Variants in YES1 observed in about 807,000 individuals in gnomAD.
YES1 encodes the protein tyrosine-protein kinase Yes.
Under a neutral mutation model 70.4 loss-of-function variants are expected in YES1, and 39 were observed. The ratio of observed to expected loss-of-function variants is 0.55; its 90% CI spans 0.43 to 0.72. YES1 has a LOEUF of 0.72. YES1 is among the 30% of genes least tolerant of loss of function. The pLI is 0.00. For missense variants in YES1, 495 were observed against 644.8 expected (o/e 0.77, Z 2.52); for synonymous variants, 198 against 218.6 (o/e 0.91, Z 0.83).
At chr18:765,474 G>C (rs1904859924) in intron 1 of YES1, among the ~76,000 whole-genome samples, 4 of 146,526 alleles carry the variant, frequency 2.7e-5, no homozygotes, top group Admixed American at 6.9e-5. Context: ...TCTTGGCTCA[G>C]TGCAACCTCC....
Position 736,899 on chromosome 18 carries a change from A to G in YES1, c.1200T>C (p.Ala400=), listed in dbSNP as rs201413906. The G allele has an allele frequency of 1.4e-4, 219 of 1,612,726 alleles. 1 individual carries two copies. Among genetic ancestry groups the G allele is most frequent in the Non-Finnish European group, 3.6e-5 (43 of 1,180,008 alleles). Residue 400 remains alanine, a synonymous_variant, in exon 10 of 12, where the codon GCT becomes GCC. Transcript: ENST00000314574. ...MNYIHRDLRA[A]NILVGENLVC... is the part of the protein sequence containing the mutation. ...CAAGATTTTCTCCTACAAGAATATT[A>G]GCAGCCCGAAGATCTCGGTGAATAT...
At chr18:735,532 G>A (rs2080142521) in intron 10 of YES1, among the ~76,000 whole-genome samples, 1 of 152,008 alleles carries the variant, frequency 6.6e-6, no homozygotes, top group African/African-American at 2.4e-5. Context: ...ACATGTTGGA[G>A]GTGAAACCCC....
intron 1 of YES1, among the ~76,000 whole-genome samples, chr18:765,465 C>CTTGG (rs1337236724): frequency 7.1e-6 from 1 of 140,950 alleles, no homozygotes; most frequent in Non-Finnish European, 1.5e-5. Context: ...GTGGCGTGAT[C>CTTGG]TTGGCTCAGT....
chr18:750,290 C>CTGAA (rs2080328271), intron 3 of YES1, among the ~76,000 whole-genome samples: 1 of 152,216 alleles, frequency 6.6e-6, no homozygotes, highest in Non-Finnish European at 1.5e-5. Context: ...CTAACATTTA[C>CTGAA]TGAATACCTA....
At chr18:806,937 A>T (rs185536230) in intron 1 of YES1, among the ~76,000 whole-genome samples, 1 of 152,194 alleles carries the variant, frequency 6.6e-6, no homozygotes, top group Admixed American at 6.5e-5. Context: ...AGTCAAAGGA[A>T]TATCTCCAGA....
chr18:765,437 C>T (rs1433460914), intron 1 of YES1, among the ~76,000 whole-genome samples: 2 of 137,070 alleles, frequency 1.5e-5, no homozygotes, highest in South Asian at 4.6e-4. Context: ...CTCGCTCTGT[C>T]GCCCAGGCTG....
chr18:777,989 A>C lies in YES1; in HGVS notation c.-8-21154T>G, dbSNP rs116246620. Among the ~76,000 whole-genome samples, 640 of 152,290 alleles carry C rather than the reference A, an allele frequency of 4.2e-3. 3 individuals are homozygous for C. Among genetic ancestry groups the C allele is most frequent in the African/African-American group, 0.015 (612 of 41,566 alleles). On this transcript the variant is annotated intron_variant, in intron 1 of 11. Transcript: ENST00000314574. ...TTATGTTGTACAGTGTTACACTGTT[A>C]AAGTATTTTGCTTTAATACAATTTT...
chr18:784,863 T>C (rs182304964), intron 1 of YES1, among the ~76,000 whole-genome samples: 35 of 152,354 alleles, frequency 2.3e-4, no homozygotes, highest in East Asian at 3.9e-4. Flanking sequence ...TACCTGCAAC[T>C]GTAACTCCTC....
At chr18:758,634 C>G (rs552666388) in intron 1 of YES1, among the ~76,000 whole-genome samples, 48 of 152,298 alleles carry the variant, frequency 3.2e-4, no homozygotes, top group African/African-American at 1.2e-3. Flanking sequence ...TCCATTCAGG[C>G]TTTCCTTATA....
chr18:776,054 T>G (rs1905365484), intron 1 of YES1, among the ~76,000 whole-genome samples: 1 of 152,244 alleles, frequency 6.6e-6, no homozygotes, highest in Admixed American at 6.5e-5. Context: ...CATATTCTAC[T>G]GGATGTAACC....
chr18:793,043 G>GT lies in YES1; in HGVS notation c.-9+19070dup, dbSNP rs761477770. On this transcript the variant is annotated intron_variant, in intron 1 of 11. Transcript: ENST00000314574. ...TTCATTATAATTATTATTATTATTG[G>GT]TTTTTTTTTTTTTTTGAGACAGAGT... is the stretch of plus-strand genomic sequence containing the variant. 5.3e-3 allele frequency among the ~76,000 whole-genome samples: 723 copies of GT among 136,772 alleles called. 3 individuals carry two copies. The highest frequency in any genetic ancestry group is 0.015 in the Middle Eastern group (4 of 270). 89.7% of individuals were successfully genotyped at this position (136,772 alleles called of 152,430 possible). A position where few individuals can be genotyped will look rare whatever the true frequency, so the allele number is the denominator to read the frequency against.
intron 10 of YES1, among the ~76,000 whole-genome samples, chr18:734,535 G>A (rs1216463962): frequency 6.6e-6 from 1 of 151,752 alleles, no homozygotes; most frequent in Admixed American, 6.6e-5. Flanking sequence ...CAGCCTGGGT[G>A]ACAGAGTGAG....
chr18:749,682 C>T (rs534353459), intron 3 of YES1, among the ~76,000 whole-genome samples: 2 of 151,488 alleles, frequency 1.3e-5, no homozygotes, highest in Non-Finnish European at 2.9e-5. Flanking sequence ...GGTGAAACCC[C>T]GTCTCTACTA....
chr18:804,236 T>C (rs527632689), intron 1 of YES1, among the ~76,000 whole-genome samples: 28 of 152,396 alleles, frequency 1.8e-4, no homozygotes, highest in African/African-American at 6.5e-4. Flanking sequence ...TTTATTCAAA[T>C]AGCCACGATT....
At chr18:785,703 A>G (rs1905901263) in intron 1 of YES1, among the ~76,000 whole-genome samples, 1 of 151,600 alleles carries the variant, frequency 6.6e-6, no homozygotes, top group Admixed American at 6.6e-5. Context: ...TGTCACCATC[A>G]TGGGAGTGGG....
intron 1 of YES1, chr18:798,073 T>G (rs1272389436): frequency 6.6e-6 from 1 of 152,182 alleles, no homozygotes; most frequent in African/African-American, 2.4e-5. Context: ...CAAAGTGCAA[T>G]GGATGAGCCT....
Position 757,371 on chromosome 18 carries a change from T to A in YES1, c.-8-536A>T, listed in dbSNP as rs192887237. Among the ~76,000 whole-genome samples the A allele has an allele frequency of 4.6e-5, 7 of 151,662 alleles. No individual in the cohort carries two copies. The East Asian group carries it at 5.8e-4, about 13-fold the overall frequency. ...GCAAAAAATTAGCCGGGCGTGGTGG[T>A]GGGCGCCTGTAGTCCCAGCTACTCG... is the stretch of plus-strand genomic sequence containing the variant. On this transcript the variant is annotated intron_variant, in intron 1 of 11. Coordinates refer to ENST00000314574, the MANE Select transcript of YES1 (RefSeq NM_005433.4).
intron 1 of YES1, among the ~76,000 whole-genome samples, chr18:794,223 C>T (rs913331290): frequency 6.6e-6 from 1 of 152,186 alleles, no homozygotes; most frequent in African/African-American, 2.4e-5. Context: ...GTCTTGTACT[C>T]TGAAGAACAT....
At chr18:731,614 C>G (rs939033275) in intron 11 of YES1, among the ~76,000 whole-genome samples, 1 of 152,194 alleles carries the variant, frequency 6.6e-6, no homozygotes, top group African/African-American at 2.4e-5. Flanking sequence ...TAAAGTAATA[C>G]TGATCGCTGA....
Sources: gnomAD v4.1 joint callset for allele counts (sites outside exome capture counted in the v4.1 genomes callset) on GRCh38, gnomAD v4.1.1 for gene constraint, MANE v1.5 for transcripts, NCBI Gene and HGNC (gene_info 2026-07-23, HGNC 2026-07-21) for gene names.